The following SEPTIN14 variants were observed in gnomAD, a reference collection of about 807,000 sequenced individuals.
SEPTIN14 encodes the protein septin 14.
A neutral mutation model predicts 53.6 loss-of-function variants in SEPTIN14; 40 were observed. That is an observed-to-expected ratio of 0.75 (90% CI 0.58 to 0.97). The LOEUF is 0.97. Ranked by LOEUF, SEPTIN14 falls within the 50% of genes least tolerant of loss-of-function variation. The pLI is 0.00. For synonymous variants in SEPTIN14, 138 were observed against 166.8 expected (o/e 0.83, Z 1.33); for missense variants, 471 against 508.2 (o/e 0.93, Z 0.70).
chr7:55,861,112 G>C (rs1789741420), intron 2 of SEPTIN14, among the ~76,000 whole-genome samples: 1 of 152,094 alleles, frequency 6.6e-6, no homozygotes, highest in African/African-American at 2.4e-5. Flanking sequence ...TATTAACCAT[G>C]ATTTGTTAAA....
intron 2 of SEPTIN14, among the ~76,000 whole-genome samples, chr7:55,854,224 ATGAAT>A (rs1056463414): frequency 6.5e-4 from 99 of 152,342 alleles, no homozygotes; most frequent in Middle Eastern, 3.4e-3. Flanking sequence ...ATTATATTTG[ATGAAT>A]TGAATTGAAT....
At chr7:55,861,322 A>G (rs1274782501) in intron 2 of SEPTIN14, among the ~76,000 whole-genome samples, 1 of 152,012 alleles carries the variant, frequency 6.6e-6, no homozygotes, top group Admixed American at 6.6e-5. Context: ...ACATGGTGAA[A>G]CCCTGTTTCT....
intron 2 of SEPTIN14, among the ~76,000 whole-genome samples, chr7:55,847,350 A>C (rs1457175514): frequency 6.6e-6 from 1 of 152,166 alleles, no homozygotes; most frequent in African/African-American, 2.4e-5. Context: ...GCAGCGTATT[A>C]ATATATTGAG....
At chr7:55,820,616 T>C (rs1382900665) in intron 6 of SEPTIN14, among the ~76,000 whole-genome samples, 2 of 152,164 alleles carry the variant, frequency 1.3e-5, no homozygotes, top group African/African-American at 4.8e-5. Flanking sequence ...GAAGCTAGGA[T>C]GGAAATCTAA....
rs374448193 is a variant in SEPTIN14 at position 55,795,874 on chromosome 7, T to C, written c.*39A>G. 1.5e-5 allele frequency: 21 copies of C among 1,391,246 alleles called. No homozygotes were observed. The highest frequency in any genetic ancestry group is 1.9e-5 in the Non-Finnish European group (19 of 997,270). 86.2% of individuals were successfully genotyped at this position (1,391,246 alleles called of 1,614,324 possible). A position where few individuals can be genotyped will look rare whatever the true frequency, so the allele number is the denominator to read the frequency against. On this transcript the variant is annotated 3_prime_UTR_variant, in exon 10 of 10. Transcript: ENST00000388975. ...AAGACAATCTCACAGGAAGTTGCGA[T>C]GTAGAATGATAGGGCTCTCAGAATA...
chr7:55,849,563 T>C, intron 2 of SEPTIN14, among the ~76,000 whole-genome samples: 1 of 151,252 alleles, frequency 6.6e-6, no homozygotes, highest in Non-Finnish European at 1.5e-5. Context: ...CTGACCAACA[T>C]GGAAAAACCC....
intron 4 of SEPTIN14, among the ~76,000 whole-genome samples, chr7:55,843,543 A>G (rs1466783790): frequency 6.6e-6 from 1 of 152,220 alleles, no homozygotes; most frequent in Non-Finnish European, 1.5e-5. Context: ...TGTTAAAAAG[A>G]TAAAAAATGG....
At chr7:55,856,865 G>A (rs1335463540) in intron 2 of SEPTIN14, among the ~76,000 whole-genome samples, 1 of 151,906 alleles carries the variant, frequency 6.6e-6, no homozygotes, top group Non-Finnish European at 1.5e-5. Context: ...TTGAGGTCAG[G>A]AGTTTGAGAG....
At chr7:55,824,822 T>C (rs1788956863) in intron 6 of SEPTIN14, among the ~76,000 whole-genome samples, 1 of 151,976 alleles carries the variant, frequency 6.6e-6, no homozygotes, top group Non-Finnish European at 1.5e-5. Context: ...TTTTTTTAAT[T>C]TCCAAAATCC....
At chr7:55,813,805 G>A (rs1788747135) in intron 7 of SEPTIN14, among the ~76,000 whole-genome samples, 1 of 152,170 alleles carries the variant, frequency 6.6e-6, no homozygotes, top group East Asian at 1.9e-4. Flanking sequence ...GGGACAGAAG[G>A]GAACTTGCTG....
At position 55,834,507 on chromosome 7, in the gene SEPTIN14, CTCAT is replaced by C; in HGVS notation, c.634_637del (p.Met212ValfsTer3). 6.2e-7 allele frequency: 1 copy of C among 1,612,346 alleles called. No homozygotes were observed. The highest frequency in any genetic ancestry group is 8.5e-7 in the Non-Finnish European group (1 of 1,178,486). On this transcript the variant is annotated frameshift_variant, in exon 6 of 10. Transcript: ENST00000388975. LOFTEE classifies it high-confidence loss of function. Reference sequence around the variant, plus strand: ...CTGGATGCCATTGCTAATCAATTCACTCATTATCTTATTCTTAAACGTCTGTAAA... The same window carrying C: ...CTGGATGCCATTGCTAATCAATTCACTATCTTATTCTTAAACGTCTGTAAA...
At chr7:55,855,567 T>C (rs763732518) in intron 2 of SEPTIN14, among the ~76,000 whole-genome samples, 111 of 152,120 alleles carry the variant, frequency 7.3e-4, no homozygotes, top group African/African-American at 2.5e-3. Flanking sequence ...TCTTTTCTTT[T>C]CTTTTTGAGA....
Position 55,844,587 on chromosome 7 carries a change from C to T in SEPTIN14, c.307G>A (p.Val103Ile), listed in dbSNP as rs370499447. ...TCCACAACAGTCAATTTCAACTGAA[C>T]ATTGCTTTCCTGAAGTTCATATGTC... ...IQTYELQESN[V>I]QLKLTVVETV... The change falls in exon 4 of 10, where the codon GTT becomes ATT. Residue 103 changes from valine (V) to isoleucine (I), a missense_variant. Physicochemically the swap from Val to Ile is conservative, Grantham distance 29. Coordinates refer to ENST00000388975, the MANE Select transcript of SEPTIN14 (RefSeq NM_207366.3). 1.9e-6 allele frequency: 3 copies of T among 1,609,568 alleles called. No homozygotes were observed. Among genetic ancestry groups the T allele is most frequent in the Non-Finnish European group, 1.7e-6 (2 of 1,176,944 alleles).
chr7:55,817,354 G>A (rs368056610), intron 7 of SEPTIN14, among the ~76,000 whole-genome samples: 3 of 152,028 alleles, frequency 2.0e-5, no homozygotes, highest in South Asian at 4.1e-4. Context: ...GTTAGGTAGA[G>A]GGTATGTAGG....
intron 3 of SEPTIN14, 38 bp from the exon 4 acceptor site, chr7:55,844,756 AGGGGCT>A: frequency 8.7e-7 from 1 of 1,150,796 alleles, no homozygotes; most frequent in Admixed American, 2.5e-5. Flanking sequence ...AGGGACATAA[AGGGGCT>A]AAGAAAAAGC....
intron 6 of SEPTIN14, among the ~76,000 whole-genome samples, chr7:55,831,372 G>A (rs796841827): frequency 1.2e-4 from 19 of 152,224 alleles, no homozygotes; most frequent in African/African-American, 4.6e-4. Context: ...TAAACAGTGG[G>A]GAAAGAGCAT....
intron 9 of SEPTIN14, 82 bp downstream of exon 9, chr7:55,805,176 A>C: frequency 7.7e-7 from 1 of 1,301,470 alleles, no homozygotes. Flanking sequence ...AAAAACATCA[A>C]GTAAACTCTT....
At chr7:55,818,741 G>A (rs1788838342) in intron 7 of SEPTIN14, among the ~76,000 whole-genome samples, 2 of 152,224 alleles carry the variant, frequency 1.3e-5, no homozygotes, top group East Asian at 3.9e-4. Flanking sequence ...AGGTAGTAAT[G>A]AGTTTATGTA....
At position 55,807,229 on chromosome 7, in the gene SEPTIN14, T is replaced by C. The variant is rs150465692; in HGVS notation, c.847A>G (p.Lys283Glu). 257 of 1,589,280 alleles carry C rather than the reference T, an allele frequency of 1.6e-4. No individual in the cohort carries two copies. Among genetic ancestry groups the C allele is most frequent in the Non-Finnish European group, 2.0e-4 (239 of 1,172,952 alleles). The change falls in exon 8 of 10, where the codon AAG becomes GAG. Residue 283 changes from lysine (K) to glutamate (E), a missense_variant. Coordinates refer to ENST00000388975, the MANE Select transcript of SEPTIN14 (RefSeq NM_207366.3). Reference sequence around the variant, plus strand: ...GTACAAAGAAGCATATCTCGGAGCTTAACGAAGTCACAGTGATTTTCATTT... The same window carrying C: ...GTACAAAGAAGCATATCTCGGAGCTCAACGAAGTCACAGTGATTTTCATTT... ...VENENHCDFV[K>E]LRDMLLCTNM...
Sources: allele counts gnomAD v4.1 joint callset (sites outside exome capture counted in the v4.1 genomes callset), GRCh38; gene constraint gnomAD v4.1.1; transcripts MANE v1.5; gene names NCBI Gene and HGNC (gene_info 2026-07-23, HGNC 2026-07-21).